ZNF490: variants seen among roughly 807,000 people sequenced by gnomAD.
The protein encoded by ZNF490 is zinc finger protein 490.
ZNF490 carries 11 observed loss-of-function variants against 17.7 expected under a neutral mutation model. The ratio of observed to expected loss-of-function variants is 0.62; its 90% CI spans 0.39 to 1.03. ZNF490 has a LOEUF of 1.03. Among genes scored for constraint, ZNF490 ranks in the 50% least tolerant of loss-of-function variants. The pLI is 0.00. For synonymous variants in ZNF490, 222 were observed against 216.1 expected (o/e 1.03, Z -0.24); for missense variants, 542 against 643.4 (o/e 0.84, Z 1.71).
chr19:12,581,952 C>T (rs2145140225), intron 4 of ZNF490, among the ~76,000 whole-genome samples: 1 of 152,272 alleles, frequency 6.6e-6, no homozygotes, highest in South Asian at 2.1e-4. Context: ...GAGACGGAGT[C>T]TCTCTGTTGC....
chr19:12,602,781 C>G (rs1368036224), intron 2 of ZNF490, among the ~76,000 whole-genome samples: 1 of 151,794 alleles, frequency 6.6e-6, no homozygotes, highest in East Asian at 1.9e-4. Context: ...CGCACCACCA[C>G]GCCGGGCTAG....
chr19:12,578,374 G>A lies in ZNF490; in HGVS notation c.*2111C>T, dbSNP rs982688458. 2.4e-4 allele frequency: 232 copies of A among 985,648 alleles called. No homozygotes were observed. Among genetic ancestry groups the A allele is most frequent in the Middle Eastern group, 5.2e-4 (1 of 1,916 alleles). The allele number at this position is 985,648 out of a possible 1,614,324, so 61.1% of individuals were successfully genotyped here. On this transcript the variant is annotated 3_prime_UTR_variant, in exon 5 of 5. Transcript: ENST00000311437. ...GGTGGTTGGTGCAGGGCTGGTAACC[G>A]CAGGAGAGTGGATGCTGTGTGGTCA...
intron 2 of ZNF490, among the ~76,000 whole-genome samples, chr19:12,608,856 T>C (rs1050144822): frequency 2.6e-5 from 4 of 151,954 alleles, no homozygotes; most frequent in African/African-American, 9.7e-5. Flanking sequence ...GCAATCCTCC[T>C]ACCTCAGTCT....
chr19:12,583,791 CTATA>C (rs1267957541), intron 2 of ZNF490, among the ~76,000 whole-genome samples: 28 of 68,138 alleles, frequency 4.1e-4, no homozygotes, highest in East Asian at 2.4e-3. Context: ...CTCTCTCTCT[CTATA>C]TATATATATA....
In ZNF490 at chr19:12,610,668, A is replaced by T. The variant is rs906671010; in HGVS notation, c.13T>A (p.Ser5Thr). The change falls in exon 1 of 5, where the codon TCC becomes ACC. Residue 5 changes from serine to threonine, a missense_variant. Ser to Thr is a moderately conservative substitution (Grantham distance 58). Transcript: ENST00000311437. ...CGCTCCATCTGGAAACTGAGACTGG[A>T]ATTCCTGCGCATCCCTGTCCCCGCA... MRRNSSLSFQMERPL... is the reference protein window; with the variant it reads MRRNTSLSFQMERPL... The T allele has an allele frequency of 5.6e-6, 9 of 1,613,708 alleles. No individual in the cohort carries two copies. The highest frequency in any genetic ancestry group is 7.6e-6 in the Non-Finnish European group (9 of 1,179,996).
chr19:12,599,576 T>C (rs979025498), intron 2 of ZNF490, among the ~76,000 whole-genome samples: 23 of 152,164 alleles, frequency 1.5e-4, no homozygotes, highest in Non-Finnish European at 1.5e-5. Flanking sequence ...GGTCCTAGGC[T>C]CCCCACCTGG....
At chr19:12,602,393 A>G (rs1449934063) in intron 2 of ZNF490, among the ~76,000 whole-genome samples, 1 of 152,050 alleles carries the variant, frequency 6.6e-6, no homozygotes, top group East Asian at 1.9e-4. Context: ...CCAAAAAAAT[A>G]AAAATAATTA....
At chr19:12,600,512 A>C (rs2022990267) in intron 2 of ZNF490, among the ~76,000 whole-genome samples, 1 of 152,138 alleles carries the variant, frequency 6.6e-6, no homozygotes, top group Non-Finnish European at 1.5e-5. Flanking sequence ...CTATATCTGT[A>C]TATATATGTT....
At chr19:12,600,316 G>A (rs1243502995) in intron 2 of ZNF490, among the ~76,000 whole-genome samples, 1 of 151,776 alleles carries the variant, frequency 6.6e-6, no homozygotes, top group Non-Finnish European at 1.5e-5. Context: ...GCAGTGAGCC[G>A]AGATGTGCCA....
chr19:12,595,657 A>C (rs1203721919), intron 2 of ZNF490, among the ~76,000 whole-genome samples: 2 of 152,132 alleles, frequency 1.3e-5, no homozygotes, highest in African/African-American at 4.8e-5. Context: ...GGTGGCATTA[A>C]AAGGTTTCAG....
chr19:12,598,731 G>A (rs1354297997), intron 2 of ZNF490, among the ~76,000 whole-genome samples: 2 of 151,146 alleles, frequency 1.3e-5, no homozygotes, highest in Non-Finnish European at 3.0e-5. Context: ...GCTCATGCCT[G>A]TAATCCCAGC....
At chr19:12,591,365 G>A (rs1201406081) in intron 2 of ZNF490, among the ~76,000 whole-genome samples, 1 of 150,920 alleles carries the variant, frequency 6.6e-6, no homozygotes, top group Non-Finnish European at 1.5e-5. Context: ...ACTCCAGCCT[G>A]ACTGACAGAG....
chr19:12,601,445 A>G (rs1033184664), intron 2 of ZNF490, among the ~76,000 whole-genome samples: 21 of 151,742 alleles, frequency 1.4e-4, no homozygotes, highest in Admixed American at 2.0e-4. Flanking sequence ...AGGCTAGACT[A>G]GAGTGGTACA....
Position 12,610,634 on chromosome 19 carries a change from T to C in ZNF490, c.47A>G (p.Glu16Gly). The C allele has an allele frequency of 6.2e-7, 1 of 1,613,974 alleles. No homozygotes were observed. Among genetic ancestry groups the C allele is most frequent in the Non-Finnish European group, 8.5e-7 (1 of 1,180,002 alleles). The change falls in exon 1 of 5, where the codon GAG becomes GGG. Residue 16 changes from glutamate to glycine, a missense_variant. Transcript: ENST00000311437. The part of the protein sequence containing the change: ...SLSFQMERPL[E>G]EQVQSKWSSS... Reference sequence around the variant, plus strand: ...CGACCACTTGCTCTGGACTTGCTCCTCGAGGGGTCGCTCCATCTGGAAACT... The same window carrying C: ...CGACCACTTGCTCTGGACTTGCTCCCCGAGGGGTCGCTCCATCTGGAAACT...
At chr19:12,600,966 T>C (rs1047983112) in intron 2 of ZNF490, among the ~76,000 whole-genome samples, 1 of 151,862 alleles carries the variant, frequency 6.6e-6, no homozygotes, top group Admixed American at 6.6e-5. Context: ...GGTGCACGCC[T>C]GTAGCCCCAG....
intron 2 of ZNF490, among the ~76,000 whole-genome samples, chr19:12,602,079 T>TATATAC (rs778812676): frequency 4.8e-4 from 33 of 68,596 alleles, no homozygotes; most frequent in Non-Finnish European, 8.8e-4. Context: ...GTTCACTATA[T>TATATAC]ACACACACAC....
intron 2 of ZNF490, among the ~76,000 whole-genome samples, chr19:12,594,180 T>C (rs975005910): frequency 2.0e-5 from 3 of 152,040 alleles, no homozygotes; most frequent in Non-Finnish European, 2.9e-5. Flanking sequence ...AAAGCCACTA[T>C]AGTGGCCAGG....
Position 12,581,555 on chromosome 19 carries a change from G to A in ZNF490, c.520C>T (p.His174Tyr). The change falls in exon 5 of 5, where the codon CAC (histidine) becomes TAC (tyrosine). Residue 174 changes from histidine to tyrosine, a missense_variant. Coordinates refer to ENST00000311437, the MANE Select transcript of ZNF490 (RefSeq NM_020714.3). ...TTCTGTTCAGTGTGAGATCTCATGTGCCTATTAAGGGAGACCTGATGCATG... is the reference window on the plus strand; with the variant it reads ...TTCTGTTCAGTGTGAGATCTCATGTACCTATTAAGGGAGACCTGATGCATG... The part of the protein sequence containing the change: ...VFMHQVSLNR[H>Y]MRSHTEQKPN... 1 of 1,614,138 alleles carries A rather than the reference G, an allele frequency of 6.2e-7. No individual in the cohort carries two copies. The highest frequency in any genetic ancestry group is 8.5e-7 in the Non-Finnish European group (1 of 1,180,026).
At chr19:12,600,922 T>C (rs1306802534) in intron 2 of ZNF490, among the ~76,000 whole-genome samples, 3 of 151,738 alleles carry the variant, frequency 2.0e-5, no homozygotes, top group African/African-American at 7.3e-5. Context: ...ACAACCTGTC[T>C]CTCCAAAAAA....
Sources: allele counts gnomAD v4.1 joint callset (sites outside exome capture counted in the v4.1 genomes callset), GRCh38; gene constraint gnomAD v4.1.1; transcripts MANE v1.5; gene names NCBI Gene and HGNC (gene_info 2026-07-23, HGNC 2026-07-21).